CDH8: variants seen among roughly 807,000 people sequenced by gnomAD.
The protein encoded by CDH8 is cadherin-8.
A neutral mutation model predicts 68.1 loss-of-function variants in CDH8; 17 were observed. That is an observed-to-expected ratio of 0.25 (90% CI 0.17 to 0.37). The LOEUF is 0.37. CDH8 is among the 10% of genes least tolerant of loss of function. The pLI is 1.00. For synonymous variants in CDH8, 372 were observed against 365.1 expected, an observed-to-expected ratio of 1.02 and a Z score of -0.21; for missense variants, 763 against 999.3, an observed-to-expected ratio of 0.76 and a Z score of 3.19.
intron 3 of CDH8, among the ~76,000 whole-genome samples, chr16:61,885,632 C>T (rs113493741): frequency 6.7e-6 from 1 of 149,934 alleles, no homozygotes; most frequent in African/African-American, 2.5e-5. Context: ...TATACATAAA[C>T]GTGTGGGAAT....
At chr16:61,819,761 C>T (rs997138060) in intron 6 of CDH8, among the ~76,000 whole-genome samples, 4 of 151,990 alleles carry the variant, frequency 2.6e-5, no homozygotes, top group Admixed American at 2.6e-4. Context: ...TATGACCTTA[C>T]AGTCATATCT....
At chr16:61,671,219 TG>T (rs1287925860) in intron 10 of CDH8, among the ~76,000 whole-genome samples, 2 of 152,074 alleles carry the variant, frequency 1.3e-5, no homozygotes, top group African/African-American at 4.8e-5. Flanking sequence ...GGATGGGCCC[TG>T]GGTATCTGCA....
Position 61,857,301 on chromosome 16 carries a change from T to C in CDH8, c.548-63A>G, listed in dbSNP as rs111592081. ...ACATTGTCCTTTGCCAAGAGCTACATTTTGTCAAGTATTTTATACAGAAAT... is the reference window on the plus strand; with the variant it reads ...ACATTGTCCTTTGCCAAGAGCTACACTTTGTCAAGTATTTTATACAGAAAT... On this transcript the variant is annotated intron_variant, in intron 3 of 11. Transcript: ENST00000577390. The C allele has an allele frequency of 9.2e-6, 13 of 1,419,796 alleles. 1 individual carries two copies. In the African/African-American group the frequency reaches 1.0e-4, roughly 11 times the overall value. 87.9% of individuals were successfully genotyped at this position (1,419,796 alleles called of 1,614,324 possible). A position where few individuals can be genotyped will look rare whatever the true frequency, so the allele number is the denominator to read the frequency against.
chr16:61,877,305 T>TAAA (rs112231131), intron 3 of CDH8, among the ~76,000 whole-genome samples: 12 of 148,514 alleles, frequency 8.1e-5, no homozygotes, highest in African/African-American at 2.7e-4. Flanking sequence ...TGGAATTATT[T>TAAA]AAAAAAAAAA....
chr16:61,661,539 C>A (rs956703787), intron 10 of CDH8, among the ~76,000 whole-genome samples: 1 of 151,642 alleles, frequency 6.6e-6, no homozygotes, highest in African/African-American at 2.4e-5. Flanking sequence ...AATTATGAAA[C>A]AAATATAAAT....
Position 61,953,895 on chromosome 16 carries a change from T to TTATATATATATA in CDH8, c.253-52434_253-52423dup, listed in dbSNP as rs66743095. On this transcript the variant is annotated intron_variant, in intron 2 of 11. Coordinates refer to ENST00000577390, the MANE Select transcript of CDH8 (RefSeq NM_001796.5). ...CTGTCTCAAAAAGAAAAAAAAAACT[T>TTATATATATATA]TATATATATATATATATATATATAT... Among the ~76,000 whole-genome samples, 503 of 118,798 alleles carry TTATATATATATA rather than the reference T, an allele frequency of 4.2e-3. 4 individuals carry two copies. The highest frequency in any genetic ancestry group is 0.013 in the African/African-American group (333 of 26,542). The allele number at this position is 118,798 out of a possible 152,430, so 77.9% of individuals were successfully genotyped here. A position where few individuals can be genotyped will look rare whatever the true frequency, so the allele number is the denominator to read the frequency against.
intron 3 of CDH8, among the ~76,000 whole-genome samples, chr16:61,894,734 T>C (rs1025797949): frequency 1.3e-5 from 2 of 152,154 alleles, no homozygotes. Flanking sequence ...ACTGAAATTA[T>C]TTAATAATTT....
chr16:61,700,554 C>T (rs574816841), intron 10 of CDH8, among the ~76,000 whole-genome samples: 3 of 152,226 alleles, frequency 2.0e-5, no homozygotes, highest in East Asian at 3.9e-4. Flanking sequence ...GCTGGGATTA[C>T]GAGCGTGAGC....
At chr16:62,005,118 T>C (rs1382311204) in intron 2 of CDH8, among the ~76,000 whole-genome samples, 2 of 152,158 alleles carry the variant, frequency 1.3e-5, no homozygotes, top group African/African-American at 2.4e-5. Context: ...CTGATTTTCT[T>C]TGTAAATGTG....
intron 8 of CDH8, among the ~76,000 whole-genome samples, chr16:61,770,759 T>C (rs1297619326): frequency 6.6e-6 from 1 of 151,944 alleles, no homozygotes. Flanking sequence ...TTTCTGTCTC[T>C]TTCAATTAAA....
At chr16:61,746,297 T>C (rs1273378188) in intron 8 of CDH8, among the ~76,000 whole-genome samples, 1 of 152,002 alleles carries the variant, frequency 6.6e-6, no homozygotes, top group Non-Finnish European at 1.5e-5. Context: ...CATAAGTCCA[T>C]CAAAAATTCC....
At chr16:61,671,920 A>G (rs1963804507) in intron 10 of CDH8, among the ~76,000 whole-genome samples, 1 of 152,134 alleles carries the variant, frequency 6.6e-6, no homozygotes, top group Non-Finnish European at 1.5e-5. Context: ...TGATTGAAAC[A>G]GAAATCACAT....
Position 61,649,141 on chromosome 16 carries a change from C to CA in CDH8, c.*4466dup, listed in dbSNP as rs2142727650. ...GTATATTCTACAATTATTTTGTCCA[C>CA]AAAAAAATACAATGACATTTAAAAA... is the stretch of plus-strand genomic sequence containing the variant. On this transcript the variant is annotated 3_prime_UTR_variant, in exon 12 of 12. Coordinates refer to ENST00000577390, the MANE Select transcript of CDH8 (RefSeq NM_001796.5). The CA allele has an allele frequency of 6.6e-6, 1 of 151,832 alleles. No homozygotes were observed. Among genetic ancestry groups the CA allele is most frequent in the Admixed American group, 6.6e-5 (1 of 15,232 alleles). The allele number at this position is 151,832 out of a possible 1,614,324, so 9.4% of individuals were successfully genotyped here.
intron 4 of CDH8, among the ~76,000 whole-genome samples, chr16:61,848,806 A>G (rs1176748373): frequency 6.6e-6 from 1 of 152,084 alleles, no homozygotes; most frequent in Admixed American, 6.6e-5. Flanking sequence ...AATGAGATGT[A>G]AAGTTAGGTA....
At chr16:61,955,245 A>T (rs902658099) in intron 2 of CDH8, among the ~76,000 whole-genome samples, 2 of 152,234 alleles carry the variant, frequency 1.3e-5, no homozygotes, top group African/African-American at 4.8e-5. Context: ...AGATTTCTCT[A>T]TATATAATGA....
At chr16:61,997,409 T>A (rs1965823057) in intron 2 of CDH8, among the ~76,000 whole-genome samples, 1 of 152,186 alleles carries the variant, frequency 6.6e-6, no homozygotes, top group Non-Finnish European at 1.5e-5. Context: ...ATATTTTCTC[T>A]TGCTCCTACC....
intron 10 of CDH8, among the ~76,000 whole-genome samples, chr16:61,694,610 G>A (rs772341905): frequency 2.0e-5 from 3 of 152,122 alleles, no homozygotes; most frequent in African/African-American, 7.2e-5. Context: ...GTCGTATGGG[G>A]GTAAGATAGG....
At chr16:61,807,422 C>A (rs1425685827) in intron 7 of CDH8, among the ~76,000 whole-genome samples, 2 of 151,702 alleles carry the variant, frequency 1.3e-5, no homozygotes, top group Non-Finnish European at 2.9e-5. Flanking sequence ...TGTATACATA[C>A]ATATGTAACT....
rs373870277 is a variant in CDH8 at position 61,665,357 on chromosome 16, A to G, written c.1655-9636T>C. 1.1e-4 allele frequency among the ~76,000 whole-genome samples: 17 copies of G among 152,180 alleles called. No homozygotes were observed. The East Asian group carries it at 3.1e-3, about 28-fold the overall frequency. ...ATGGAATACTATGCAGCCATAAAAA[A>G]GAATGAGTTCACAAAAAATGAGTTT... is the stretch of plus-strand genomic sequence containing the variant. On this transcript the variant is annotated intron_variant, in intron 10 of 11. Transcript: ENST00000577390.
Sources: allele counts gnomAD v4.1 joint callset (sites outside exome capture counted in the v4.1 genomes callset), GRCh38; gene constraint gnomAD v4.1.1; transcripts MANE v1.5; gene names NCBI Gene and HGNC (gene_info 2026-07-23, HGNC 2026-07-21).